The following MYRIP variants were observed in gnomAD, a reference collection of about 807,000 sequenced individuals.
MYRIP encodes the protein myosin VIIA and Rab interacting protein, also known as rab effector MyRIP.
Under a neutral mutation model 98.0 loss-of-function variants are expected in MYRIP, and 49 were observed. That is an observed-to-expected ratio of 0.50 (90% confidence interval 0.40 to 0.63). MYRIP has a LOEUF of 0.63. Among genes scored for constraint, MYRIP ranks in the 30% least tolerant of loss-of-function variants. The pLI is 0.00. For synonymous variants in MYRIP, 404 were observed against 409.5 expected, an observed-to-expected ratio of 0.99 and a Z score of 0.16; for missense variants, 1,004 against 1,058.2, an observed-to-expected ratio of 0.95 and a Z score of 0.71.
At chr3:40,004,719 G>T (rs965431685) in intron 2 of MYRIP, among the ~76,000 whole-genome samples, 5 of 152,090 alleles carry the variant, frequency 3.3e-5, no homozygotes, top group African/African-American at 1.2e-4. Flanking sequence ...TTATAAGTCA[G>T]AAGATGTAAT....
intron 9 of MYRIP, among the ~76,000 whole-genome samples, chr3:40,187,820 G>A (rs1021559085): frequency 2.6e-5 from 4 of 152,234 alleles, no homozygotes; most frequent in Admixed American, 6.5e-5. Flanking sequence ...AGAGCTCAGA[G>A]GAGAGGCCAT....
At chr3:39,963,047 G>T (rs910010617) in intron 2 of MYRIP, among the ~76,000 whole-genome samples, 2 of 152,060 alleles carry the variant, frequency 1.3e-5, no homozygotes, top group African/African-American at 4.8e-5. Flanking sequence ...ACGAGAAGGG[G>T]CTCATATCAT....
At chr3:40,024,230 A>T (rs1014930403) in intron 2 of MYRIP, among the ~76,000 whole-genome samples, 1 of 152,178 alleles carries the variant, frequency 6.6e-6, no homozygotes, top group African/African-American at 2.4e-5. Flanking sequence ...CTCTTAAATG[A>T]AGGATCCTGG....
intron 2 of MYRIP, among the ~76,000 whole-genome samples, chr3:39,952,816 G>A (rs1945058836): frequency 1.3e-5 from 2 of 152,118 alleles, no homozygotes; most frequent in South Asian, 4.1e-4. Context: ...TTCGTTGACA[G>A]GAAAGTAGGA....
chr3:40,161,008 C>T (rs1027950246), intron 4 of MYRIP, among the ~76,000 whole-genome samples: 6 of 152,174 alleles, frequency 3.9e-5, no homozygotes, highest in East Asian at 1.9e-4. Flanking sequence ...TGTTCCTATT[C>T]GACCATCTTG....
chr3:40,244,545 C>G lies in MYRIP; in HGVS notation c.2200C>G (p.Leu734Val). ...CIHSGTDETH[L>V]ADLEDQVATA... ...CCACAGTGGCACTGATGAGACCCAT[C>G]TGGCGGATCTGGAGGACCAGGTGGC... Residue 734 changes from leucine to valine, a missense_variant, in exon 13 of 17, where the codon CTG becomes GTG. By Grantham distance (32) the Leu-to-Val change is conservative (BLOSUM62 1). Transcript: ENST00000302541. The G allele has an allele frequency of 6.2e-7, 1 of 1,614,086 alleles. No individual in the cohort carries two copies. The highest frequency in any genetic ancestry group is 8.5e-7 in the Non-Finnish European group (1 of 1,179,972).
At position 39,916,698 on chromosome 3, in the gene MYRIP, T is replaced by C. The variant is rs186634337; in HGVS notation, c.110+15772T>C. Among the ~76,000 whole-genome samples, 35 of 152,268 alleles carry C rather than the reference T, an allele frequency of 2.3e-4. 2 individuals carry two copies. The East Asian group carries it at 6.4e-3, about 28-fold the overall frequency. ...AAACCTTCCTCATTTGTAATCTTAT[T>C]GGGTTTATTCTAAACTCAGCTGATT... On this transcript the variant is annotated intron_variant, in intron 2 of 16. Transcript: ENST00000302541.
intron 2 of MYRIP, among the ~76,000 whole-genome samples, chr3:40,040,156 T>C (rs1947478903): frequency 6.6e-6 from 1 of 152,324 alleles, no homozygotes; most frequent in Non-Finnish European, 1.5e-5. Flanking sequence ...GGCATGGACA[T>C]ATCATTTAAG....
At chr3:40,108,941 C>T (rs1240810539) in intron 3 of MYRIP, among the ~76,000 whole-genome samples, 2 of 152,158 alleles carry the variant, frequency 1.3e-5, no homozygotes, top group Non-Finnish European at 2.9e-5. Context: ...CATTCAGGGC[C>T]ACTGTTCCCC....
chr3:40,142,543 A>G lies in MYRIP; in HGVS notation c.333-8505A>G, dbSNP rs561996460. On this transcript the variant is annotated intron_variant, in intron 3 of 16. Coordinates refer to ENST00000302541, the MANE Select transcript of MYRIP (RefSeq NM_015460.4). ...AGTGGTGCAATCTTGGCACCTCGCA[A>G]CCTCTGCCTCCTGGGCTCAATCTAT... 4.6e-5 allele frequency among the ~76,000 whole-genome samples: 7 copies of G among 152,060 alleles called. No homozygotes were observed. The South Asian group carries it at 1.5e-3, about 32-fold the overall frequency.
At chr3:39,831,991 A>T (rs1559489605) in intron 1 of MYRIP, among the ~76,000 whole-genome samples, 1 of 152,190 alleles carries the variant, frequency 6.6e-6, no homozygotes, top group Non-Finnish European at 1.5e-5. Context: ...TGCACCTGGC[A>T]CTCTGTTGGT....
chr3:40,073,570 A>G (rs1003620916), intron 3 of MYRIP, among the ~76,000 whole-genome samples: 4 of 152,222 alleles, frequency 2.6e-5, no homozygotes, highest in African/African-American at 9.6e-5. Flanking sequence ...GGTGTTGCTC[A>G]TTACCACCAT....
intron 3 of MYRIP, among the ~76,000 whole-genome samples, chr3:40,074,468 A>G (rs1190846469): frequency 2.0e-5 from 3 of 152,216 alleles, no homozygotes; most frequent in South Asian, 2.1e-4. Context: ...ATTAAAATAT[A>G]GAGCACACCT....
chr3:39,875,975 T>C (rs1210211758), intron 1 of MYRIP, among the ~76,000 whole-genome samples: 1 of 152,108 alleles, frequency 6.6e-6, no homozygotes, highest in Non-Finnish European at 1.5e-5. Context: ...TGTGGGAGTC[T>C]AAGTCTCTTT....
At chr3:40,219,538 T>C (rs1420602601) in intron 11 of MYRIP, among the ~76,000 whole-genome samples, 1 of 151,232 alleles carries the variant, frequency 6.6e-6, no homozygotes, top group Non-Finnish European at 1.5e-5. Context: ...CCTGTGTCCA[T>C]GTGTTCTCAT....
At chr3:39,917,473 T>TA (rs879437018) in intron 2 of MYRIP, among the ~76,000 whole-genome samples, 45 of 42,474 alleles carry the variant, frequency 1.1e-3, no homozygotes, top group Middle Eastern at 0.013. Flanking sequence ...ATAGGAAAAT[T>TA]AAAAAAAAAA....
chr3:39,997,003 A>G (rs533966882), intron 2 of MYRIP, among the ~76,000 whole-genome samples: 5 of 152,342 alleles, frequency 3.3e-5, no homozygotes, highest in Middle Eastern at 6.8e-3. Context: ...AAGACACAAC[A>G]TACCAGAATC....
Position 40,080,910 on chromosome 3 carries a change from C to T in MYRIP, c.332+36639C>T, listed in dbSNP as rs549054310. ...ATTTATTTTCAGTCTTTCTTCTTTT[C>T]TCACTAAATTCTTCTTTATATATCA... On this transcript the variant is annotated intron_variant, in intron 3 of 16. Transcript: ENST00000302541. Among the ~76,000 whole-genome samples, 713 of 141,982 alleles carry T rather than the reference C, an allele frequency of 5.0e-3. 1 individual carries two copies. The highest frequency in any genetic ancestry group is 6.9e-3 in the Non-Finnish European group (452 of 65,758). 93.1% of individuals were successfully genotyped at this position (141,982 alleles called of 152,430 possible).
intron 2 of MYRIP, among the ~76,000 whole-genome samples, chr3:39,934,478 C>T (rs1300870044): frequency 2.6e-5 from 4 of 152,074 alleles, no homozygotes; most frequent in African/African-American, 9.7e-5. Context: ...GAGCCCAAAC[C>T]AGCATGCTAT....
Sources: allele counts gnomAD v4.1 joint callset (sites outside exome capture counted in the v4.1 genomes callset), GRCh38; gene constraint gnomAD v4.1.1; transcripts MANE v1.5; gene names NCBI Gene and HGNC (gene_info 2026-07-23, HGNC 2026-07-21).